CPNE4: variants seen among roughly 807,000 people sequenced by gnomAD.
CPNE4 encodes the protein copine 4.
CPNE4 carries 25 observed loss-of-function variants against 67.9 expected under a neutral mutation model. That is an observed-to-expected ratio of 0.37 (90% CI 0.27 to 0.51). The LOEUF (loss-of-function observed/expected upper bound fraction) is 0.51. CPNE4 is among the 20% of genes least tolerant of loss of function. The probability of loss-of-function intolerance (pLI) is 0.93; values close to 1 mark genes in which losing one functional copy is unlikely to be tolerated. For missense variants in CPNE4, 464 were observed against 690.8 expected (o/e 0.67, Z 3.68); for synonymous variants, 242 against 244.9 (o/e 0.99, Z 0.11).
chr3:131,579,916 G>A (rs1937687621), intron 9 of CPNE4, among the ~76,000 whole-genome samples: 1 of 152,200 alleles, frequency 6.6e-6, no homozygotes, highest in Non-Finnish European at 1.5e-5. Context: ...AAATTTAGTT[G>A]ATAAAGCAGA....
chr3:131,978,954 C>G (rs2072830475), intron 1 of CPNE4, among the ~76,000 whole-genome samples: 4 of 152,012 alleles, frequency 2.6e-5, no homozygotes, highest in Admixed American at 2.6e-4. Flanking sequence ...TGATCCAATG[C>G]TCATTCAGGA....
chr3:131,580,708 C>T (rs1033816135), intron 9 of CPNE4, among the ~76,000 whole-genome samples: 12 of 152,116 alleles, frequency 7.9e-5, no homozygotes, highest in Admixed American at 7.9e-4. Flanking sequence ...ATAGTAAGTA[C>T]TCAACTAGTG....
At chr3:131,870,908 T>C (rs1560508761) in intron 2 of CPNE4, among the ~76,000 whole-genome samples, 1 of 152,160 alleles carries the variant, frequency 6.6e-6, no homozygotes, top group Non-Finnish European at 1.5e-5. Flanking sequence ...GGTAATTCAA[T>C]AATTGTCTTC....
chr3:131,666,921 A>G (rs2080278047), intron 7 of CPNE4, among the ~76,000 whole-genome samples: 1 of 152,256 alleles, frequency 6.6e-6, no homozygotes, highest in South Asian at 2.1e-4. Flanking sequence ...ATTGTTTAAT[A>G]AATGAGAGAC....
At chr3:131,555,780 C>T (rs1582788409) in intron 11 of CPNE4, among the ~76,000 whole-genome samples, 1 of 151,938 alleles carries the variant, frequency 6.6e-6, no homozygotes, top group Non-Finnish European at 1.5e-5. Flanking sequence ...CAACTTCCTC[C>T]CTTAATTTTT....
intron 1 of CPNE4, among the ~76,000 whole-genome samples, chr3:131,915,504 C>A (rs1455385286): frequency 6.6e-6 from 1 of 152,118 alleles, no homozygotes; most frequent in Admixed American, 6.6e-5. Flanking sequence ...AGCTACAACA[C>A]CCAGCAAACA....
upstream of CPNE4, chr3:132,039,387 T>C (rs896415825): frequency 1.3e-5 from 2 of 152,252 alleles, no homozygotes; most frequent in African/African-American, 2.4e-5. Flanking sequence ...GGGGCTTTGA[T>C]ATCATAAAGG....
chr3:131,934,510 C>T (rs1005763348), intron 1 of CPNE4, among the ~76,000 whole-genome samples: 3 of 152,220 alleles, frequency 2.0e-5, no homozygotes, highest in Non-Finnish European at 2.9e-5. Flanking sequence ...CTTTGCTGCA[C>T]CCACCAACCC....
At chr3:131,715,522 T>TA (rs2081662428) in intron 3 of CPNE4, among the ~76,000 whole-genome samples, 1 of 152,212 alleles carries the variant, frequency 6.6e-6, no homozygotes, top group Non-Finnish European at 1.5e-5. Context: ...TTGGATAACT[T>TA]ACTGAGCTTT....
At chr3:131,920,314 C>A (rs1215253639) in intron 1 of CPNE4, among the ~76,000 whole-genome samples, 2 of 152,164 alleles carry the variant, frequency 1.3e-5, no homozygotes, top group African/African-American at 4.8e-5. Context: ...CTCTTCCTGG[C>A]CCAATTTTAA....
intron 7 of CPNE4, among the ~76,000 whole-genome samples, chr3:131,589,299 A>G (rs2107704415): frequency 6.6e-6 from 1 of 152,320 alleles, no homozygotes; most frequent in Admixed American, 6.5e-5. Context: ...CACTGATGCA[A>G]GTCCTAGAGT....
intron 1 of CPNE4, among the ~76,000 whole-genome samples, chr3:132,021,811 G>A (rs6439334): frequency 0.68 from 103,077 of 151,992 alleles, 35,753 homozygotes; most frequent in Middle Eastern, 0.75. Context: ...ACAGAACAAG[G>A]AGCTTAGGAA....
intron 5 of CPNE4, among the ~76,000 whole-genome samples, chr3:131,695,504 A>G (rs2107694516): frequency 6.6e-6 from 1 of 152,338 alleles, no homozygotes; most frequent in Admixed American, 6.5e-5. Flanking sequence ...AGAAACCATT[A>G]TAAGCCATTA....
At chr3:131,956,372 A>G (rs1304251868) in intron 1 of CPNE4, among the ~76,000 whole-genome samples, 1 of 152,140 alleles carries the variant, frequency 6.6e-6, no homozygotes, top group South Asian at 2.1e-4. Context: ...ATAAGGGCAT[A>G]TTTGTGACTA....
intron 7 of CPNE4, among the ~76,000 whole-genome samples, chr3:131,589,429 T>G (rs1393302534): frequency 6.6e-6 from 1 of 152,218 alleles, no homozygotes; most frequent in Non-Finnish European, 1.5e-5. Flanking sequence ...TATAACACCT[T>G]CTTCCACCTG....
intron 1 of CPNE4, among the ~76,000 whole-genome samples, chr3:131,988,955 T>A (rs2073116938): frequency 6.6e-6 from 1 of 152,232 alleles, no homozygotes; most frequent in Non-Finnish European, 1.5e-5. Flanking sequence ...TTCTTTTCTA[T>A]GCATTTCCCC....
At chr3:131,743,816 A>G (rs527347815) in intron 2 of CPNE4, among the ~76,000 whole-genome samples, 9 of 151,692 alleles carry the variant, frequency 5.9e-5, no homozygotes, top group African/African-American at 1.9e-4. Flanking sequence ...ACAAAAAATT[A>G]GCCGGGCGTG....
chr3:131,637,905 A>G (rs2079435323), intron 7 of CPNE4, among the ~76,000 whole-genome samples: 1 of 152,210 alleles, frequency 6.6e-6, no homozygotes, highest in Non-Finnish European at 1.5e-5. Context: ...GAAAAAAATT[A>G]TCAGCCAAAA....
At chr3:131,816,979 C>A (rs562498770) in intron 2 of CPNE4, among the ~76,000 whole-genome samples, 1 of 152,168 alleles carries the variant, frequency 6.6e-6, no homozygotes, top group Non-Finnish European at 1.5e-5. Context: ...TGTATAGCTA[C>A]CATCAAAATT....
Sources: gnomAD v4.1 joint callset for allele counts (sites outside exome capture counted in the v4.1 genomes callset) on GRCh38, gnomAD v4.1.1 for gene constraint, MANE v1.5 for transcripts, NCBI Gene and HGNC (gene_info 2026-07-23, HGNC 2026-07-21) for gene names.